The following PREX2 variants were observed in gnomAD, a reference collection of about 807,000 sequenced individuals.
The protein encoded by PREX2 is phosphatidylinositol-3,4,5-trisphosphate dependent Rac exchange factor 2.
A neutral mutation model predicts 203.2 loss-of-function variants in PREX2; 107 were observed. The ratio of observed to expected loss-of-function variants is 0.53; its 90% confidence interval spans 0.45 to 0.62. The LOEUF is 0.62. Ranked by LOEUF, PREX2 falls within the 20% of genes least tolerant of loss-of-function variation. The pLI, the probability that PREX2 is intolerant of heterozygous loss-of-function variation, is 0.00. For synonymous variants in PREX2, 672 were observed against 663.6 expected, an observed-to-expected ratio of 1.01 and a Z score of -0.19; for missense variants, 1,777 against 1,955.9, an observed-to-expected ratio of 0.91 and a Z score of 1.72.
intron 7 of PREX2, among the ~76,000 whole-genome samples, chr8:68,038,969 A>G (rs6991787): frequency 0.3 from 45,981 of 151,980 alleles, 7,204 homozygotes; most frequent in African/African-American, 0.36. Flanking sequence ...CAACAGTCAT[A>G]AAATTGAAAT....
At chr8:68,108,964 T>C (rs757547473) in intron 24 of PREX2, 3 of 429,384 alleles carry the variant, frequency 7.0e-6, no homozygotes, top group South Asian at 3.4e-5. Context: ...ACAAATACTA[T>C]ATGATCTCAT....
At chr8:68,028,250 A>G (rs1585718302) in intron 5 of PREX2, among the ~76,000 whole-genome samples, 1 of 151,834 alleles carries the variant, frequency 6.6e-6, no homozygotes, top group Middle Eastern at 3.4e-3. Flanking sequence ...TATATATAGG[A>G]TTATATAATG....
At chr8:68,149,580 G>A (rs574796757) in intron 34 of PREX2, among the ~76,000 whole-genome samples, 2 of 152,262 alleles carry the variant, frequency 1.3e-5, no homozygotes, top group East Asian at 3.9e-4. Flanking sequence ...CTATAAGTTG[G>A]CAGAAAATGA....
At chr8:68,159,421 G>A (rs150858794) in intron 35 of PREX2, among the ~76,000 whole-genome samples, 2,793 of 152,190 alleles carry the variant, frequency 0.018, 35 homozygotes, top group Middle Eastern at 0.037. Context: ...TGGCTTTACC[G>A]GGACTTCCAC....
chr8:67,978,211 C>CA (rs1806164546), intron 1 of PREX2, among the ~76,000 whole-genome samples: 1 of 152,122 alleles, frequency 6.6e-6, no homozygotes, highest in Non-Finnish European at 1.5e-5. Context: ...TCCTCTCCCC[C>CA]CGCACATACA....
At chr8:68,056,463 G>A (rs1259353863) in intron 10 of PREX2, among the ~76,000 whole-genome samples, 1 of 152,162 alleles carries the variant, frequency 6.6e-6, no homozygotes, top group Non-Finnish European at 1.5e-5. Context: ...GAGACAGGCA[G>A]CAAGCAATAG....
intron 2 of PREX2, among the ~76,000 whole-genome samples, chr8:68,019,226 T>A (rs1807492588): frequency 6.6e-6 from 1 of 152,226 alleles, no homozygotes; most frequent in African/African-American, 2.4e-5. Context: ...TATGCCCTTC[T>A]TAGGAGCATA....
At chr8:68,015,913 A>T (rs1807397688) in intron 1 of PREX2, among the ~76,000 whole-genome samples, 2 of 152,178 alleles carry the variant, frequency 1.3e-5, no homozygotes, top group Admixed American at 6.5e-5. Context: ...GACAAATTAG[A>T]TTGATATCCA....
intron 18 of PREX2, among the ~76,000 whole-genome samples, chr8:68,087,010 T>C (rs1281531636): frequency 6.6e-6 from 1 of 152,212 alleles, no homozygotes; most frequent in African/African-American, 2.4e-5. Flanking sequence ...AGGTCCCTCA[T>C]TGTTTTCTTT....
At chr8:68,175,950 T>A (rs1264643155) in intron 35 of PREX2, among the ~76,000 whole-genome samples, 8 of 152,090 alleles carry the variant, frequency 5.3e-5, no homozygotes. Flanking sequence ...GACATTTCAG[T>A]CAAGCAGAAT....
chr8:68,133,279 G>A (rs1055862686), intron 31 of PREX2, among the ~76,000 whole-genome samples: 21 of 152,020 alleles, frequency 1.4e-4, no homozygotes, highest in African/African-American at 2.9e-4. Flanking sequence ...CTTTCCGCCC[G>A]GTCTCTTCCT....
chr8:67,972,946 A>G (rs900971656), intron 1 of PREX2, among the ~76,000 whole-genome samples: 2 of 152,186 alleles, frequency 1.3e-5, no homozygotes, highest in East Asian at 1.9e-4. Flanking sequence ...CTTAGAGGAC[A>G]TGTAACTCCT....
intron 35 of PREX2, among the ~76,000 whole-genome samples, chr8:68,183,393 G>T (rs967845517): frequency 6.6e-6 from 1 of 152,126 alleles, no homozygotes; most frequent in Non-Finnish European, 1.5e-5. Context: ...TAATTGGCTT[G>T]ACTTTAATGT....
At chr8:68,029,304 G>A (rs1381487573) in intron 5 of PREX2, among the ~76,000 whole-genome samples, 1 of 151,932 alleles carries the variant, frequency 6.6e-6, no homozygotes, top group Non-Finnish European at 1.5e-5. Flanking sequence ...TTAGATAATT[G>A]GACTCCAAAT....
intron 1 of PREX2, among the ~76,000 whole-genome samples, chr8:67,967,297 T>A (rs529319175): frequency 1.2e-3 from 176 of 152,336 alleles, no homozygotes; most frequent in African/African-American, 4.2e-3. Context: ...CACTAAGACT[T>A]AAGGCTTTAA....
In PREX2 at chr8:67,960,571, G is replaced by A. The variant is rs796857429; in HGVS notation, c.141+8036G>A. 1.2e-4 allele frequency among the ~76,000 whole-genome samples: 18 copies of A among 152,190 alleles called. 2 individuals carry two copies. Among genetic ancestry groups the A allele is most frequent in the South Asian group, 4.1e-4 (2 of 4,820 alleles). ...GGGAATGCAGGAGAGGGAGTGTTCC[G>A]GGAGCCACCAGGGAGGGATGGCTTT... On this transcript the variant is annotated intron_variant, in intron 1 of 39. Coordinates refer to ENST00000288368, the MANE Select transcript of PREX2 (RefSeq NM_024870.4).
At chr8:68,160,610 G>A (rs1167085859) in intron 35 of PREX2, among the ~76,000 whole-genome samples, 3 of 152,038 alleles carry the variant, frequency 2.0e-5, no homozygotes, top group South Asian at 4.1e-4. Context: ...GTTACTTTGG[G>A]AAACACAGTT....
At chr8:68,010,670 A>G (rs1807232685) in intron 1 of PREX2, among the ~76,000 whole-genome samples, 1 of 152,148 alleles carries the variant, frequency 6.6e-6, no homozygotes, top group East Asian at 1.9e-4. Context: ...CTGAGACTTA[A>G]AAGCAGCTGG....
chr8:68,165,672 TAGA>T lies in PREX2; in HGVS notation c.4346+8239_4346+8241del, dbSNP rs1205589158. Among the ~76,000 whole-genome samples the T allele has an allele frequency of 7.2e-5, 11 of 152,246 alleles. No homozygotes were observed. In the East Asian group the frequency reaches 2.1e-3, roughly 29 times the overall value. On this transcript the variant is annotated intron_variant, in intron 35 of 39. Transcript: ENST00000288368. ...GAGGCAATTGTCTCAGGATTTCTTT[TAGA>T]AGTTTTTTTTTCAGTACCATTGGAA...
Sources: gnomAD v4.1 joint callset for allele counts (sites outside exome capture counted in the v4.1 genomes callset) on GRCh38, gnomAD v4.1.1 for gene constraint, MANE v1.5 for transcripts, NCBI Gene and HGNC (gene_info 2026-07-23, HGNC 2026-07-21) for gene names.